EYS: variants seen among roughly 807,000 people sequenced by gnomAD.
EYS encodes the protein protein eyes shut homolog.
EYS carries 250 observed loss-of-function variants against 282.1 expected under a neutral mutation model. That is an observed-to-expected ratio of 0.89 (90% CI 0.80 to 0.98). The LOEUF (loss-of-function observed/expected upper bound fraction) is 0.98. Among genes scored for constraint, EYS ranks in the 50% least tolerant of loss-of-function variants. EYS has a pLI of 0.00. For missense variants in EYS, 4,016 were observed against 3,709.0 expected (o/e 1.08, Z -2.15); for synonymous variants, 1,355 against 1,282.9 (o/e 1.06, Z -1.20).
chr6:63,899,286 T>C (rs1773606840), intron 35 of EYS, among the ~76,000 whole-genome samples: 2 of 152,176 alleles, frequency 1.3e-5, no homozygotes, highest in Admixed American at 6.5e-5. Context: ...GCTAGTTTTT[T>C]TTCTGAGTAT....
chr6:65,374,498 C>T (rs967332829), intron 8 of EYS, among the ~76,000 whole-genome samples: 8 of 120,692 alleles, frequency 6.6e-5, no homozygotes, highest in African/African-American at 2.2e-4. Context: ...GAGCTACCTG[C>T]GGAGTTTTTT....
chr6:63,941,100 T>A (rs1341106911), intron 35 of EYS, among the ~76,000 whole-genome samples: 2 of 152,174 alleles, frequency 1.3e-5, no homozygotes, highest in Non-Finnish European at 2.9e-5. Context: ...ACATTTGGGT[T>A]GGTTCCAAGT....
At chr6:64,687,692 G>A (rs1224637267) in intron 22 of EYS, among the ~76,000 whole-genome samples, 4 of 152,034 alleles carry the variant, frequency 2.6e-5, no homozygotes, top group Non-Finnish European at 4.4e-5. Context: ...TTTTTTTGTT[G>A]TGTCTCTGCC....
chr6:64,022,043 C>T (rs567183484), intron 33 of EYS, among the ~76,000 whole-genome samples: 23 of 152,054 alleles, frequency 1.5e-4, no homozygotes, highest in Admixed American at 1.5e-3. Context: ...AGATTATTTC[C>T]TTTTTTTCTG....
intron 29 of EYS, among the ~76,000 whole-genome samples, chr6:64,331,208 C>T (rs531438321): frequency 6.7e-4 from 102 of 152,146 alleles, no homozygotes; most frequent in Middle Eastern, 3.4e-3. Context: ...ATGTTTTTGC[C>T]ATTTGCATGC....
intron 32 of EYS, among the ~76,000 whole-genome samples, chr6:64,076,824 C>T (rs1477636474): frequency 2.6e-5 from 4 of 151,892 alleles, no homozygotes; most frequent in African/African-American, 4.8e-5. Context: ...TAAGCACAGA[C>T]TCCTGGTAAA....
chr6:64,813,524 A>G lies in EYS; in HGVS notation c.3297T>C (p.His1099=), dbSNP rs1583184764. The G allele has an allele frequency of 6.4e-7, 1 of 1,550,470 alleles. No individual in the cohort carries two copies. Among genetic ancestry groups the G allele is most frequent in the African/African-American group, 1.4e-5 (1 of 73,076 alleles). Residue 1099 remains histidine (H), a synonymous_variant, in exon 22 of 43, where the codon CAT becomes CAC. Transcript: ENST00000503581. ...MNEGFCQKSA[H]GFTCICPRGY... ...CACGTGGGCAAATGCAAGTAAATCCATGTGCTGACTTCTGACAGAAGCCTT... is the reference window on the plus strand; with the variant it reads ...CACGTGGGCAAATGCAAGTAAATCCGTGTGCTGACTTCTGACAGAAGCCTT...
At chr6:65,652,348 C>T (rs937643641) in intron 1 of EYS, among the ~76,000 whole-genome samples, 35 of 151,760 alleles carry the variant, frequency 2.3e-4, no homozygotes, top group African/African-American at 7.7e-4. Flanking sequence ...GTAGAAGAAA[C>T]GAGTTAGATG....
chr6:65,399,525 C>T lies in EYS; in HGVS notation c.1184+2953G>A, dbSNP rs565335861. Among the ~76,000 whole-genome samples the T allele has an allele frequency of 2.7e-4, 41 of 151,960 alleles. No individual in the cohort carries two copies. The South Asian group carries it at 8.1e-3, about 30-fold the overall frequency. ...AATATCTTACAGTAGAGTAGAATTT[C>T]TTAGTAATTCAAAATCATTTTCATA... On this transcript the variant is annotated intron_variant, in intron 7 of 42. Coordinates refer to ENST00000503581, the MANE Select transcript of EYS (RefSeq NM_001142800.2).
At chr6:64,950,832 T>TATATATATATATATATATATAA (rs1310289103) in intron 14 of EYS, among the ~76,000 whole-genome samples, 13 of 103,074 alleles carry the variant, frequency 1.3e-4, no homozygotes, top group East Asian at 3.0e-4. Flanking sequence ...TATATATATA[T>TATATATATATATATATATATAA]ATTGTTGAAT....
At chr6:64,250,086 T>C (rs1767157755) in intron 30 of EYS, among the ~76,000 whole-genome samples, 1 of 152,206 alleles carries the variant, frequency 6.6e-6, no homozygotes, top group African/African-American at 2.4e-5. Flanking sequence ...AATTTCATGC[T>C]GAGAAAAAAT....
At chr6:65,379,119 G>A (rs1698276020) in intron 8 of EYS, among the ~76,000 whole-genome samples, 1 of 152,006 alleles carries the variant, frequency 6.6e-6, no homozygotes, top group South Asian at 2.1e-4. Flanking sequence ...CATTTTATGA[G>A]TCCAGCATCA....
intron 29 of EYS, among the ~76,000 whole-genome samples, chr6:64,372,235 G>A (rs951466607): frequency 6.8e-6 from 1 of 147,022 alleles, no homozygotes; most frequent in Non-Finnish European, 1.5e-5. Flanking sequence ...TAGGTCTGGT[G>A]GTAAAAAATT....
intron 2 of EYS, among the ~76,000 whole-genome samples, chr6:65,518,930 A>G (rs1447488704): frequency 2.0e-5 from 3 of 152,160 alleles, no homozygotes; most frequent in Non-Finnish European, 4.4e-5. Flanking sequence ...CTCCCATGAC[A>G]CGTGGAAATT....
intron 41 of EYS, among the ~76,000 whole-genome samples, chr6:63,746,606 T>G (rs1230721935): frequency 6.6e-6 from 1 of 152,182 alleles, no homozygotes; most frequent in East Asian, 1.9e-4. Context: ...TTTTAGAACT[T>G]GTTATTGGTC....
Position 65,567,272 on chromosome 6 carries a change from TAC to T in EYS, c.-332-71281_-332-71280del, listed in dbSNP as rs1359413915. On this transcript the variant is annotated intron_variant, in intron 2 of 42. Coordinates refer to ENST00000503581, the MANE Select transcript of EYS (RefSeq NM_001142800.2). ...TGAATAATATATATATATACATATA[TAC>T]ACACACATATATAATATAAACATAT... is the stretch of plus-strand genomic sequence containing the variant. Among the ~76,000 whole-genome samples the T allele has an allele frequency of 3.3e-5, 5 of 149,500 alleles. No individual in the cohort carries two copies. The East Asian group carries it at 9.7e-4, about 29-fold the overall frequency.
chr6:63,842,578 G>C (rs1771990009), intron 36 of EYS, among the ~76,000 whole-genome samples: 1 of 152,120 alleles, frequency 6.6e-6, no homozygotes, highest in African/African-American at 2.4e-5. Context: ...TCTGTTGATA[G>C]TTTCTTTTGC....
At chr6:64,096,532 G>C (rs1217429570) in intron 31 of EYS, among the ~76,000 whole-genome samples, 2 of 152,080 alleles carry the variant, frequency 1.3e-5, no homozygotes, top group Non-Finnish European at 2.9e-5. Context: ...CTTTCTTCCA[G>C]TTGATCGAAT....
chr6:65,021,154 T>C (rs561778170), intron 13 of EYS, among the ~76,000 whole-genome samples: 8 of 152,368 alleles, frequency 5.3e-5, no homozygotes, highest in Admixed American at 1.3e-4. Flanking sequence ...TTTCTGCTGC[T>C]GGTTTGAATT....
Sources: allele counts gnomAD v4.1 joint callset (sites outside exome capture counted in the v4.1 genomes callset), GRCh38; gene constraint gnomAD v4.1.1; transcripts MANE v1.5; gene names NCBI Gene and HGNC (gene_info 2026-07-23, HGNC 2026-07-21).